The following ATP8A2 variants were observed in gnomAD, a reference collection of about 807,000 sequenced individuals.
The protein encoded by ATP8A2 is ATPase phospholipid transporting 8A2, also known as phospholipid-transporting ATPase IB.
In ATP8A2, 100 loss-of-function variants were observed where a neutral mutation model predicts 165.6. The observed-to-expected ratio is 0.60, with a 90% confidence interval of 0.51 to 0.71. The LOEUF is 0.71. Among genes scored for constraint, ATP8A2 ranks in the 30% least tolerant of loss-of-function variants. The pLI is 0.00. For missense variants in ATP8A2, 1,227 were observed against 1,479.5 expected (o/e 0.83, Z 2.80); for synonymous variants, 543 against 548.8 (o/e 0.99, Z 0.15).
At chr13:25,876,952 G>T (rs1952834911) in intron 33 of ATP8A2, among the ~76,000 whole-genome samples, 1 of 151,830 alleles carries the variant, frequency 6.6e-6, no homozygotes, top group South Asian at 2.1e-4. Flanking sequence ...TGCTGAAATT[G>T]TTTCGAACAG....
intron 1 of ATP8A2, among the ~76,000 whole-genome samples, chr13:25,465,236 T>G (rs2035602496): frequency 1.3e-5 from 2 of 152,118 alleles, no homozygotes; most frequent in Admixed American, 6.5e-5. Flanking sequence ...TTTCCACAAA[T>G]TTTTTTTGAA....
chr13:25,512,822 C>G (rs554995955), intron 2 of ATP8A2, among the ~76,000 whole-genome samples: 8 of 142,036 alleles, frequency 5.6e-5, no homozygotes, highest in African/African-American at 1.6e-4. Context: ...GGCGGCTGGC[C>G]GGGCAGAGGG....
intron 2 of ATP8A2, among the ~76,000 whole-genome samples, chr13:25,471,442 C>T (rs1243312881): frequency 6.7e-6 from 1 of 149,762 alleles, no homozygotes; most frequent in Non-Finnish European, 1.5e-5. Context: ...CCTCCGCCTC[C>T]TGGGTTCAAG....
rs181533724 is a variant in ATP8A2, at chr13:25,490,864, C to T, written c.221+21743C>T. ...GCCTCAAATTCTCCCACCTCAACCT[C>T]GTAAGTAGCTGGGAATATAGGCACA... On this transcript the variant is annotated intron_variant, in intron 2 of 36. Coordinates refer to ENST00000381655, the MANE Select transcript of ATP8A2 (RefSeq NM_016529.6). Among the ~76,000 whole-genome samples, 216 of 151,868 alleles carry T rather than the reference C, an allele frequency of 1.4e-3. 1 individual carries two copies. The highest frequency in any genetic ancestry group is 4.4e-3 in the African/African-American group (181 of 41,388).
intron 33 of ATP8A2, among the ~76,000 whole-genome samples, chr13:25,960,698 A>C (rs1166173820): frequency 6.6e-6 from 1 of 152,040 alleles, no homozygotes; most frequent in South Asian, 2.1e-4. Flanking sequence ...ATCTCTGTTC[A>C]GAGTAAACTC....
intron 24 of ATP8A2, among the ~76,000 whole-genome samples, chr13:25,639,473 CTT>C (rs901769461): frequency 2.0e-5 from 3 of 152,174 alleles, no homozygotes; most frequent in African/African-American, 7.2e-5. Flanking sequence ...ATAAAACAGA[CTT>C]TAAATCAATG....
At chr13:25,873,151 C>T (rs912715813) in intron 33 of ATP8A2, among the ~76,000 whole-genome samples, 4 of 152,162 alleles carry the variant, frequency 2.6e-5, no homozygotes, top group African/African-American at 7.2e-5. Context: ...CTCCCACACA[C>T]TTGGGGTGTG....
At chr13:25,382,364 T>C (rs960091933) in intron 1 of ATP8A2, among the ~76,000 whole-genome samples, 1 of 152,248 alleles carries the variant, frequency 6.6e-6, no homozygotes, top group Non-Finnish European at 1.5e-5. Flanking sequence ...TTTCACTTTT[T>C]TGAAATTATA....
chr13:25,448,361 G>A (rs539188196), intron 1 of ATP8A2, among the ~76,000 whole-genome samples: 1 of 152,226 alleles, frequency 6.6e-6, no homozygotes, highest in South Asian at 2.1e-4. Context: ...AATATTTGGA[G>A]TAAAATTAAT....
chr13:25,784,707 T>C (rs2138371917), intron 27 of ATP8A2, among the ~76,000 whole-genome samples: 1 of 152,322 alleles, frequency 6.6e-6, no homozygotes, highest in Non-Finnish European at 1.5e-5. Flanking sequence ...ACTGAAATCT[T>C]TCCCGGTGTA....
chr13:25,854,443 C>G (rs1028060365), intron 30 of ATP8A2, among the ~76,000 whole-genome samples: 2 of 152,166 alleles, frequency 1.3e-5, no homozygotes, highest in African/African-American at 2.4e-5. Flanking sequence ...TTAAGGAATC[C>G]TCCCACATAG....
intron 27 of ATP8A2, among the ~76,000 whole-genome samples, chr13:25,775,696 T>C (rs2138327765): frequency 6.6e-6 from 1 of 152,292 alleles, no homozygotes; most frequent in African/African-American, 2.4e-5. Flanking sequence ...TTTGAGGCCA[T>C]CATGACTAAT....
chr13:25,693,722 G>T (rs1290752405), intron 24 of ATP8A2, among the ~76,000 whole-genome samples: 4 of 151,584 alleles, frequency 2.6e-5, no homozygotes, highest in African/African-American at 7.3e-5. Context: ...TATTTATTTT[G>T]TCTGTCACCC....
At chr13:25,452,528 C>T (rs780802234) in intron 1 of ATP8A2, among the ~76,000 whole-genome samples, 27 of 151,976 alleles carry the variant, frequency 1.8e-4, no homozygotes, top group Admixed American at 7.2e-4. Context: ...ATTGATACCC[C>T]GTTTCAGGCT....
intron 33 of ATP8A2, among the ~76,000 whole-genome samples, chr13:25,921,551 A>G (rs1181583351): frequency 6.7e-6 from 1 of 149,152 alleles, no homozygotes; most frequent in Non-Finnish European, 1.5e-5. Context: ...TGAACCTGGG[A>G]GGCGGAGGTT....
intron 33 of ATP8A2, among the ~76,000 whole-genome samples, chr13:25,870,552 A>G (rs1217212922): frequency 6.6e-6 from 1 of 152,192 alleles, no homozygotes. Flanking sequence ...ATGCAGTTAC[A>G]TGTGTAATGA....
intron 25 of ATP8A2, among the ~76,000 whole-genome samples, chr13:25,730,966 C>T (rs778182576): frequency 7.3e-5 from 11 of 151,704 alleles, no homozygotes; most frequent in South Asian, 2.1e-4. Context: ...CCCAGCCGCA[C>T]GAGAGACTGA....
At chr13:25,535,158 A>G (rs1593483064) in intron 6 of ATP8A2, among the ~76,000 whole-genome samples, 1 of 152,142 alleles carries the variant, frequency 6.6e-6, no homozygotes, top group Non-Finnish European at 1.5e-5. Flanking sequence ...CTAGCTGCGG[A>G]ACTGTGAGTA....
chr13:25,379,723 G>A (rs1016105977), intron 1 of ATP8A2, among the ~76,000 whole-genome samples: 7 of 152,228 alleles, frequency 4.6e-5, no homozygotes, highest in African/African-American at 1.7e-4. Context: ...CGGCGGAGCG[G>A]GCCCTGCTAA....
Sources: gnomAD v4.1 joint callset for allele counts (sites outside exome capture counted in the v4.1 genomes callset) on GRCh38, gnomAD v4.1.1 for gene constraint, MANE v1.5 for transcripts, NCBI Gene and HGNC (gene_info 2026-07-23, HGNC 2026-07-21) for gene names.